The following NPAS3 variants were observed in gnomAD, a reference collection of about 807,000 sequenced individuals.
NPAS3 encodes the protein neuronal PAS domain protein 3, also known as neuronal PAS domain-containing protein 3.
A neutral mutation model predicts 73.1 loss-of-function variants in NPAS3; 14 were observed. The observed-to-expected ratio is 0.19, with a 90% confidence interval of 0.13 to 0.30. NPAS3 has a LOEUF of 0.30. Ranked by LOEUF, NPAS3 falls within the 10% of genes least tolerant of loss-of-function variation. The pLI is 1.00. For synonymous variants in NPAS3, 620 were observed against 541.5 expected (o/e 1.14, Z -2.01); for missense variants, 1,096 against 1,250.0 (o/e 0.88, Z 1.86).
At chr14:33,084,033 C>T (rs2041945028) in intron 2 of NPAS3, among the ~76,000 whole-genome samples, 1 of 152,236 alleles carries the variant, frequency 6.6e-6, no homozygotes, top group Middle Eastern at 3.4e-3. Context: ...GTTTCCGTCA[C>T]CATGGCACTG....
chr14:33,276,175 A>C (rs2041320046), intron 3 of NPAS3, among the ~76,000 whole-genome samples: 1 of 152,152 alleles, frequency 6.6e-6, no homozygotes, highest in Non-Finnish European at 1.5e-5. Flanking sequence ...GGTTAATTTG[A>C]CCTGAGAAAG....
intron 4 of NPAS3, among the ~76,000 whole-genome samples, chr14:33,506,132 G>C (rs573890184): frequency 2.0e-5 from 3 of 151,820 alleles, no homozygotes; most frequent in Admixed American, 1.3e-4. Context: ...ATTTCCCATA[G>C]TGCCAGCCAA....
chr14:33,408,029 G>T (rs537451398), intron 4 of NPAS3, among the ~76,000 whole-genome samples: 2 of 152,264 alleles, frequency 1.3e-5, no homozygotes, highest in African/African-American at 4.8e-5. Flanking sequence ...TTTGATTAAA[G>T]TTGAGTATTG....
chr14:33,049,588 AG>A (rs1404207480), intron 1 of NPAS3, among the ~76,000 whole-genome samples: 1 of 152,352 alleles, frequency 6.6e-6, no homozygotes, highest in East Asian at 1.9e-4. Flanking sequence ...AGCACAGGAA[AG>A]ACCTGCCCCC....
chr14:33,446,096 C>G (rs1433380994), intron 4 of NPAS3, among the ~76,000 whole-genome samples: 1 of 151,848 alleles, frequency 6.6e-6, no homozygotes, highest in Non-Finnish European at 1.5e-5. Flanking sequence ...ATCAACCCCA[C>G]TGAAATCTTT....
At chr14:33,196,913 T>C (rs2046376677) in intron 2 of NPAS3, among the ~76,000 whole-genome samples, 1 of 152,198 alleles carries the variant, frequency 6.6e-6, no homozygotes, top group Admixed American at 6.5e-5. Context: ...TTGGGTTTAT[T>C]TTCTGTGTAA....
At position 32,946,346 on chromosome 14, in the gene NPAS3, GCGCACACA is replaced by G. The variant is rs1393215084; in HGVS notation, c.50+6982_50+6989del. Among the ~76,000 whole-genome samples the G allele has an allele frequency of 2.0e-3, 261 of 131,970 alleles. 3 individuals carry two copies. The highest frequency in any genetic ancestry group is 5.8e-3 in the African/African-American group (201 of 34,508). 86.6% of individuals were successfully genotyped at this position (131,970 alleles called of 152,430 possible). Reference sequence around the variant, plus strand: ...CCCCATCCCCCCAACACACACACACGCGCACACACACACACACACACACACACACACAC... The same window carrying G: ...CCCCATCCCCCCAACACACACACACGCACACACACACACACACACACACAC... On this transcript the variant is annotated intron_variant, in intron 1 of 11. Transcript: ENST00000356141.
chr14:33,705,717 A>T (rs533197864), intron 6 of NPAS3, among the ~76,000 whole-genome samples: 1 of 152,362 alleles, frequency 6.6e-6, no homozygotes, highest in Non-Finnish European at 1.5e-5. Context: ...GATACAGATC[A>T]GTAACTGAAT....
intron 4 of NPAS3, among the ~76,000 whole-genome samples, 153 bp downstream of exon 4, chr14:33,367,421 T>A (rs1184049684): frequency 6.6e-6 from 1 of 152,202 alleles, no homozygotes; most frequent in Admixed American, 6.6e-5. Flanking sequence ...GAGTTTATTT[T>A]TTTCTTTTTA....
In NPAS3 at chr14:33,136,303, C is replaced by T. The variant is rs531754429; in HGVS notation, c.141-78879C>T. On this transcript the variant is annotated intron_variant, in intron 2 of 11. Transcript: ENST00000356141. The stretch of plus-strand genomic sequence containing the variant: ...CTCAATCTCCTGACCTCGTGATCCG[C>T]CCACCTTAGCCTCCCAAAGTGCTGC... 9.2e-5 allele frequency among the ~76,000 whole-genome samples: 14 copies of T among 152,106 alleles called. 1 individual carries two copies. In the South Asian group the frequency reaches 2.9e-3, roughly 32 times the overall value.
intron 6 of NPAS3, among the ~76,000 whole-genome samples, chr14:33,724,630 T>G (rs1265355434): frequency 6.6e-6 from 1 of 152,000 alleles, no homozygotes; most frequent in Non-Finnish European, 1.5e-5. Flanking sequence ...GAGACACCAA[T>G]CTCAAAAACA....
chr14:32,969,476 A>G (rs1001650288), intron 1 of NPAS3, among the ~76,000 whole-genome samples: 1 of 152,196 alleles, frequency 6.6e-6, no homozygotes, highest in Non-Finnish European at 1.5e-5. Context: ...ATGAGGAAAT[A>G]CTGCCCATAT....
chr14:33,091,195 C>A (rs1307713931), intron 2 of NPAS3, among the ~76,000 whole-genome samples: 1 of 152,064 alleles, frequency 6.6e-6, no homozygotes, highest in East Asian at 1.9e-4. Context: ...ATCAATGAAT[C>A]CAGGAGCTGG....
intron 2 of NPAS3, among the ~76,000 whole-genome samples, chr14:33,166,293 G>A (rs371532794): frequency 1.4e-4 from 22 of 152,162 alleles, no homozygotes; most frequent in African/African-American, 3.9e-4. Context: ...CATCTTCCCC[G>A]TTCCTGACCC....
At chr14:33,565,890 T>A (rs949518687) in intron 5 of NPAS3, among the ~76,000 whole-genome samples, 1 of 151,866 alleles carries the variant, frequency 6.6e-6, no homozygotes, top group Admixed American at 6.6e-5. Flanking sequence ...CATACCTTAA[T>A]TTTTTTAAAA....
At position 33,543,976 on chromosome 14, in the gene NPAS3, T is replaced by C. The variant is rs1429314504; in HGVS notation, c.469-16145T>C. ...ATATATATATATATATATATATATA[T>C]ATATATATATATATATATATATATA... On this transcript the variant is annotated intron_variant, in intron 4 of 11. Coordinates refer to ENST00000356141, the Ensembl canonical transcript of NPAS3. Among the ~76,000 whole-genome samples, 205 of 35,838 alleles carry C rather than the reference T, an allele frequency of 5.7e-3. 2 individuals are homozygous for C. The highest frequency in any genetic ancestry group is 6.7e-3 in the Non-Finnish European group (143 of 21,314). 23.5% of individuals were successfully genotyped at this position (35,838 alleles called of 152,430 possible). A position where few individuals can be genotyped will look rare whatever the true frequency, so the allele number is the denominator to read the frequency against.
intron 4 of NPAS3, among the ~76,000 whole-genome samples, chr14:33,481,623 T>A (rs2051328309): frequency 1.3e-5 from 2 of 152,168 alleles, no homozygotes; most frequent in Admixed American, 6.6e-5. Flanking sequence ...TTTACAACAT[T>A]ATGCAAGAGG....
intron 6 of NPAS3, among the ~76,000 whole-genome samples, chr14:33,726,810 C>T (rs1181061927): frequency 6.6e-6 from 1 of 152,096 alleles, no homozygotes; most frequent in Non-Finnish European, 1.5e-5. Context: ...ACATTGTCTT[C>T]TAGGGTCATG....
intron 2 of NPAS3, among the ~76,000 whole-genome samples, chr14:33,190,393 C>A (rs548927180): frequency 6.6e-6 from 1 of 152,220 alleles, no homozygotes; most frequent in Non-Finnish European, 1.5e-5. Context: ...AAACAATCCA[C>A]AATATTTGCT....
Sources: allele counts gnomAD v4.1 joint callset (sites outside exome capture counted in the v4.1 genomes callset), GRCh38; gene constraint gnomAD v4.1.1; transcripts MANE v1.5; gene names NCBI Gene and HGNC (gene_info 2026-07-23, HGNC 2026-07-21).